TRPC3: variants seen among roughly 807,000 people sequenced by gnomAD.
TRPC3 encodes transient receptor potential cation channel subfamily C member 3.
A neutral mutation model predicts 90.9 loss-of-function variants in TRPC3; 54 were observed. The observed-to-expected ratio is 0.59, with a 90% confidence interval of 0.48 to 0.75. The LOEUF is 0.75. Among genes scored for constraint, TRPC3 ranks in the 30% least tolerant of loss-of-function variants. The pLI, the probability that TRPC3 is intolerant of heterozygous loss-of-function variation, is 0.00. For missense variants in TRPC3, 918 were observed against 1,194.5 expected (o/e 0.77, Z 3.41); for synonymous variants, 424 against 450.9 (o/e 0.94, Z 0.75).
chr4:121,899,437 A>AT (rs909202215), intron 10 of TRPC3, among the ~76,000 whole-genome samples, 175 bp downstream of exon 10: 8 of 151,756 alleles, frequency 5.3e-5, no homozygotes, highest in South Asian at 2.1e-4. Flanking sequence ...TTTATTTTTA[A>AT]TTTTTTTTTA....
chr4:121,889,701 A>G (rs1374683688), intron 10 of TRPC3, among the ~76,000 whole-genome samples: 1 of 152,242 alleles, frequency 6.6e-6, no homozygotes, highest in Non-Finnish European at 1.5e-5. Flanking sequence ...CCACCATATG[A>G]TTCAAAAATC....
Position 121,932,409 on chromosome 4 carries a change from G to A in TRPC3, c.849C>T (p.His283=), listed in dbSNP as rs753584430. The A allele has an allele frequency of 1.2e-6, 2 of 1,614,116 alleles. No individual in the cohort carries two copies. The highest frequency in any genetic ancestry group is 1.7e-5 in the Admixed American group (1 of 60,014). The stretch of plus-strand genomic sequence containing the variant: ...TGTAGGCATTGATCCTCGAGCGTGA[G>A]TGGCTGAAGGAGTCGTGCCTCTGCT... ...MEKQRHDSFS[H]SRSRINAYKG... The change falls in exon 2 of 12, where the codon CAC becomes CAT. Residue 283 remains histidine (H), a synonymous_variant. Coordinates refer to ENST00000379645, the MANE Select transcript of TRPC3 (RefSeq NM_001130698.2). The surrounding 1 kb of genome is among the most constrained non-coding windows in gnomAD (Gnocchi z 7.7).
chr4:121,899,939 T>C (rs1159729026), intron 9 of TRPC3, among the ~76,000 whole-genome samples: 1 of 152,124 alleles, frequency 6.6e-6, no homozygotes, highest in Non-Finnish European at 1.5e-5. Flanking sequence ...TAATGGAAAA[T>C]ATATGTTAAA....
In TRPC3 at chr4:121,904,345, T is replaced by G; in HGVS notation, c.2230A>C (p.Asn744His). ...ACCTCAATTTCTTGATATGAGCTAT[T>G]AATCATAGCAATTAGCATGTTGAGT... ...VLLNMLIAMINSSYQEIEDDS... is the reference protein window; with the variant it reads ...VLLNMLIAMIHSSYQEIEDDS... Residue 744 changes from asparagine to histidine, a missense_variant, in exon 8 of 12, where the codon AAT becomes CAT. By Grantham distance (68) the Asn-to-His change is moderately conservative. Transcript: ENST00000379645. The G allele has an allele frequency of 6.2e-7, 1 of 1,600,590 alleles. No individual in the cohort carries two copies. The highest frequency in any genetic ancestry group is 8.5e-7 in the Non-Finnish European group (1 of 1,176,648).
intron 10 of TRPC3, among the ~76,000 whole-genome samples, chr4:121,894,553 C>CTTTTT (rs1449620809): frequency 1.4e-4 from 9 of 65,558 alleles, no homozygotes; most frequent in Non-Finnish European, 2.7e-4. Context: ...AGTACACATT[C>CTTTTT]TGTTTTTTTT....
At chr4:121,945,183 C>T (rs900943013) in intron 1 of TRPC3, among the ~76,000 whole-genome samples, 18 of 152,146 alleles carry the variant, frequency 1.2e-4, no homozygotes, top group African/African-American at 3.1e-4. Context: ...AGATCAGTTA[C>T]GAGTAAGAAT....
In TRPC3 at chr4:121,951,691, G is replaced by T. The variant is rs1286114606; in HGVS notation, c.-11C>A. ...GACCTTGGTGGACATCGCGCCGGCT[G>T]CGGTCCGAGTGTGGGGGTGCCGGCT... On this transcript the variant is annotated 5_prime_UTR_variant, in exon 1 of 12. Coordinates refer to ENST00000379645, the MANE Select transcript of TRPC3 (RefSeq NM_001130698.2). This position sits in a 1 kb window ranked among gnomAD's most constrained non-coding sequence, Gnocchi z 4.4. 6 of 1,313,226 alleles carry T rather than the reference G, an allele frequency of 4.6e-6. No homozygotes were observed. In the East Asian group the frequency reaches 1.9e-4, roughly 41 times the overall value. The allele number at this position is 1,313,226 out of a possible 1,614,324, so 81.3% of individuals were successfully genotyped here. A position where few individuals can be genotyped will look rare whatever the true frequency, so the allele number is the denominator to read the frequency against.
intron 9 of TRPC3, among the ~76,000 whole-genome samples, chr4:121,901,568 A>G (rs1560693733): frequency 6.6e-6 from 1 of 152,254 alleles, no homozygotes; most frequent in Non-Finnish European, 1.5e-5. Context: ...ACAGCGTTGC[A>G]TGAGGTTCAA....
In TRPC3 at chr4:121,951,896, A is replaced by C. The variant is rs1379327537; in HGVS notation, c.-216T>G. ...CCGAGCTGCCGCCGCCCACCATCAA[A>C]CCGTGGGAGCAGCTGCCGCGGCCGT... is the stretch of plus-strand genomic sequence containing the variant. On this transcript the variant is annotated 5_prime_UTR_variant, in exon 1 of 12. Transcript: ENST00000379645. This position sits in a 1 kb window ranked among gnomAD's most constrained non-coding sequence, Gnocchi z 4.4. The C allele has an allele frequency of 5.4e-4, 156 of 290,524 alleles. No homozygotes were observed. Among genetic ancestry groups the C allele is most frequent in the Middle Eastern group, 9.9e-4 (1 of 1,008 alleles). The allele number at this position is 290,524 out of a possible 1,614,324, so 18.0% of individuals were successfully genotyped here.
chr4:121,926,627 G>A (rs1259008794), intron 2 of TRPC3, among the ~76,000 whole-genome samples: 2 of 152,018 alleles, frequency 1.3e-5, no homozygotes, highest in African/African-American at 4.8e-5. Context: ...GACTGGTCTT[G>A]AACTCCTGAC....
At position 121,948,252 on chromosome 4, in the gene TRPC3, G is replaced by A. The variant is rs187002479; in HGVS notation, c.215+3214C>T. Among the ~76,000 whole-genome samples, 697 of 151,680 alleles carry A rather than the reference G, an allele frequency of 4.6e-3. 5 individuals carry two copies. The highest frequency in any genetic ancestry group is 0.01 in the Middle Eastern group (3 of 286). The stretch of plus-strand genomic sequence containing the variant: ...CTTTGCTTTTTTCTTGTCAACAATG[G>A]CATCAACCATGTTGGTTATCTGGGT... On this transcript the variant is annotated intron_variant, in intron 1 of 11. Coordinates refer to ENST00000379645, the MANE Select transcript of TRPC3 (RefSeq NM_001130698.2).
chr4:121,887,464 T>C (rs367602725), intron 10 of TRPC3, among the ~76,000 whole-genome samples: 14 of 152,300 alleles, frequency 9.2e-5, no homozygotes, highest in African/African-American at 3.4e-4. Flanking sequence ...TGCCTGAAGC[T>C]CACTGTGAGT....
chr4:121,926,341 AC>A (rs1377620355), intron 2 of TRPC3, among the ~76,000 whole-genome samples: 1 of 152,060 alleles, frequency 6.6e-6, no homozygotes, highest in Non-Finnish European at 1.5e-5. Flanking sequence ...CACATAGTTT[AC>A]CATGTCACTT....
At chr4:121,927,278 T>C (rs1729754575) in intron 2 of TRPC3, among the ~76,000 whole-genome samples, 1 of 152,206 alleles carries the variant, frequency 6.6e-6, no homozygotes, top group East Asian at 1.9e-4. Context: ...GTAGCATTCC[T>C]TGTTGCCTTC....
chr4:121,941,104 T>C (rs1730295810), intron 1 of TRPC3, among the ~76,000 whole-genome samples: 1 of 152,182 alleles, frequency 6.6e-6, no homozygotes, highest in Admixed American at 6.5e-5. Context: ...TAAATCCAAG[T>C]ATCACTATTA....
At chr4:121,899,536 GAC>G (rs1728631550) in intron 10 of TRPC3, 74 bp downstream of exon 10, 10 of 1,231,444 alleles carry the variant, frequency 8.1e-6, no homozygotes, top group Admixed American at 1.8e-5. Flanking sequence ...CTCAACTCAT[GAC>G]ACACACACAA....
chr4:121,910,152 A>G lies in TRPC3; in HGVS notation c.1792+2T>C, dbSNP rs1466904496. On this transcript the variant is annotated splice_donor_variant, in intron 6 of 11. Coordinates refer to ENST00000379645, the MANE Select transcript of TRPC3 (RefSeq NM_001130698.2). LOFTEE classifies it high-confidence loss of function. ...AAGGGGACCCTGAAGCTAACAACTTACCATAAGTGAAATACTGTATCTCTG... is the reference window on the plus strand; with the variant it reads ...AAGGGGACCCTGAAGCTAACAACTTGCCATAAGTGAAATACTGTATCTCTG... 6.2e-7 allele frequency: 1 copy of G among 1,612,510 alleles called. No individual in the cohort carries two copies. The highest frequency in any genetic ancestry group is 8.5e-7 in the Non-Finnish European group (1 of 1,178,894).
chr4:121,911,091 A>T (rs982255893), intron 5 of TRPC3, among the ~76,000 whole-genome samples: 15 of 152,330 alleles, frequency 9.8e-5, no homozygotes, highest in Non-Finnish European at 8.8e-5. Context: ...TAGAATTTTT[A>T]AAAAATGTAA....
chr4:121,916,563 C>A (rs1204509991), intron 3 of TRPC3, among the ~76,000 whole-genome samples: 1 of 152,062 alleles, frequency 6.6e-6, no homozygotes, highest in Non-Finnish European at 1.5e-5. Context: ...GAGACTGGAG[C>A]CCTGATAGGA....
Sources: gnomAD v4.1 joint callset for allele counts (sites outside exome capture counted in the v4.1 genomes callset) on GRCh38, gnomAD v4.1.1 for gene constraint, Gnocchi (gnomAD v3.1) non-coding constraint, MANE v1.5 for transcripts, NCBI Gene and HGNC (gene_info 2026-07-23, HGNC 2026-07-21) for gene names.